CLEC1B: variants seen among roughly 807,000 people sequenced by gnomAD.
The protein encoded by CLEC1B is C-type lectin domain family 1 member B, also known as C-type lectin-like receptor 2.
CLEC1B carries 26 observed loss-of-function variants against 26.7 expected under a neutral mutation model. That is an observed-to-expected ratio of 0.97 (90% CI 0.71 to 1.35). The LOEUF is 1.35. Ranked by LOEUF, CLEC1B falls within the 40% of genes most tolerant of loss-of-function variation. CLEC1B has a pLI of 0.00. For missense variants in CLEC1B, 293 were observed against 282.6 expected, an observed-to-expected ratio of 1.04 and a Z score of -0.26; for synonymous variants, 112 against 96.0, an observed-to-expected ratio of 1.17 and a Z score of -0.97.
chr12:9,998,135 A>T, intron 2 of CLEC1B, 147 bp downstream of exon 2: 1 of 650,470 alleles, frequency 1.5e-6, no homozygotes, highest in Non-Finnish European at 2.8e-6. Flanking sequence ...GTTCTCCTTT[A>T]TTGAGATTCT....
chr12:9,997,903 A>G (rs2137244050), intron 2 of CLEC1B, among the ~76,000 whole-genome samples: 1 of 152,302 alleles, frequency 6.6e-6, no homozygotes, highest in South Asian at 2.1e-4. Flanking sequence ...TAGAATGAGA[A>G]AAATTTCAGA....
intron 5 of CLEC1B, among the ~76,000 whole-genome samples, chr12:9,994,164 G>A (rs1169077492): frequency 6.6e-6 from 1 of 152,096 alleles, no homozygotes; most frequent in Non-Finnish European, 1.5e-5. Context: ...TCTCAGTGGA[G>A]AGATGGTCAT....
chr12:9,993,314 C>T, intron 5 of CLEC1B, 27 bp from the exon 6 acceptor site: 1 of 1,586,566 alleles, frequency 6.3e-7, no homozygotes, highest in East Asian at 2.3e-5. Flanking sequence ...AGAATAAATT[C>T]CTTTGAAAAC....
intron 5 of CLEC1B, among the ~76,000 whole-genome samples, chr12:9,994,173 A>G (rs1864971095): frequency 6.6e-6 from 1 of 152,124 alleles, no homozygotes; most frequent in Non-Finnish European, 1.5e-5. Flanking sequence ...AGAGATGGTC[A>G]TGGAGTTGTG....
At chr12:9,996,676 A>T in intron 4 of CLEC1B, 170 bp downstream of exon 4, 1 of 734,342 alleles carries the variant, frequency 1.4e-6, no homozygotes, top group East Asian at 2.7e-5. Flanking sequence ...GAATATTATG[A>T]GTGGATTGAA....
chr12:9,999,536 G>C (rs866883055), upstream of CLEC1B, among the ~76,000 whole-genome samples: 1 of 152,212 alleles, frequency 6.6e-6, no homozygotes, highest in Admixed American at 6.5e-5. Context: ...CAGATATATA[G>C]TTTATCTCAT....
intron 4 of CLEC1B, 118 bp from the exon 5 acceptor site, chr12:9,995,364 T>C: frequency 1.2e-6 from 1 of 815,296 alleles, no homozygotes; most frequent in Non-Finnish European, 2.1e-6. Flanking sequence ...TCTATATTAG[T>C]ATTAATGGAT....
chr12:9,995,327 G>A (rs778728271), intron 4 of CLEC1B, 81 bp from the exon 5 acceptor site: 32 of 1,181,060 alleles, frequency 2.7e-5, no homozygotes, highest in Non-Finnish European at 3.6e-5. Flanking sequence ...ATGATAAGAC[G>A]TTGGACAAAA....
In CLEC1B at chr12:9,997,193, C is replaced by G. The variant is rs199498047; in HGVS notation, c.250G>C (p.Val84Leu). Reference sequence around the variant, plus strand: ...CCCTTTAGTTCTGATTGTTTTACCACATATTGACAGAAGCGCTTTGCTAAT... The same window carrying G: ...CCCTTTAGTTCTGATTGTTTTACCAGATATTGACAGAAGCGCTTTGCTAAT... Reference protein sequence around the residue: ...QQLAKRFCQYVVKQSELKGTF... With the variant: ...QQLAKRFCQYLVKQSELKGTF... The change falls in exon 3 of 6, where the codon GTG becomes CTG. Residue 84 changes from valine (V) to leucine (L), a missense_variant. Transcript: ENST00000298527. 1.4e-4 allele frequency: 221 copies of G among 1,613,838 alleles called. No homozygotes were observed. Among genetic ancestry groups the G allele is most frequent in the Non-Finnish European group, 1.8e-4 (210 of 1,179,938 alleles).
At chr12:9,995,487 T>A (rs1865020402) in intron 4 of CLEC1B, 2 of 437,506 alleles carry the variant, frequency 4.6e-6, no homozygotes, top group South Asian at 4.1e-5. Context: ...TCTTCTTTTG[T>A]GTTTATAACA....
At position 9,998,354 on chromosome 12, in the gene CLEC1B, G is replaced by A. The variant is rs754369087; in HGVS notation, c.91C>T (p.Arg31Cys). 136 of 1,613,722 alleles carry A rather than the reference G, an allele frequency of 8.4e-5. No homozygotes were observed. The highest frequency in any genetic ancestry group is 1.3e-4 in the East Asian group (6 of 44,880). ...ATCAGCAGAATCAAAGCCATCACAC[G>A]CCACCAGGAGGAGGATGCAGAGCCA... Reference protein sequence around the residue: ...SVGSASSSWWRVMALILLILC... With the variant: ...SVGSASSSWWCVMALILLILC... Residue 31 changes from arginine to cysteine, a missense_variant, in exon 2 of 6, where the codon CGT (arginine) becomes TGT (cysteine). Arg to Cys is a radical substitution (Grantham distance 180). Transcript: ENST00000298527.
chr12:9,993,396 G>GAA (rs1210022004), intron 5 of CLEC1B, 109 bp from the exon 6 acceptor site: 24 of 313,074 alleles, frequency 7.7e-5, no homozygotes, highest in Non-Finnish European at 1.0e-4. Flanking sequence ...AGGAAAATAG[G>GAA]AAAAAAAAAC....
At chr12:9,998,249 T>G (rs767930448) in intron 2 of CLEC1B, 33 bp downstream of exon 2, 1 of 1,545,888 alleles carries the variant, frequency 6.5e-7, no homozygotes. Flanking sequence ...ATTACCTTCC[T>G]CCAGTCAAAT....
At chr12:9,999,137 T>A, upstream of CLEC1B, 1 of 1,445,860 alleles carries the variant, frequency 6.9e-7, no homozygotes, top group Non-Finnish European at 9.5e-7. Flanking sequence ...CAGAGTTCAA[T>A]GACTTTGCAA....
upstream of CLEC1B, among the ~76,000 whole-genome samples, chr12:10,000,290 A>AT (rs771040355): frequency 6.6e-6 from 1 of 152,244 alleles, no homozygotes; most frequent in South Asian, 2.1e-4. Flanking sequence ...TAGCCCGTAG[A>AT]TTTTTTCTCC....
intron 5 of CLEC1B, 149 bp from the exon 6 acceptor site, chr12:9,993,436 A>C: frequency 1.4e-6 from 1 of 698,390 alleles, no homozygotes; most frequent in East Asian, 2.7e-5. Flanking sequence ...ATTGTTGAGA[A>C]AGTTCCACCC....
chr12:9,995,054 A>G lies in CLEC1B; in HGVS notation c.545+86T>C, dbSNP rs749306807. On this transcript the variant is annotated intron_variant, in intron 5 of 5. Coordinates refer to ENST00000298527, the MANE Select transcript of CLEC1B (RefSeq NM_016509.4). ...CCCAGCTGCTGCTTCTATAACCCAT[A>G]GTAGTGACTTGGACTGAGAGAAGAG... 4 of 1,592,762 alleles carry G rather than the reference A, an allele frequency of 2.5e-6. No individual in the cohort carries two copies. The Admixed American group carries it at 5.0e-5, about 20-fold the overall frequency.
intron 2 of CLEC1B, among the ~76,000 whole-genome samples, chr12:9,997,975 T>C (rs377375367): frequency 1.3e-5 from 2 of 150,282 alleles, no homozygotes; most frequent in African/African-American, 4.9e-5. Context: ...TTCTTAGGAA[T>C]GCAAGATAGG....
At chr12:9,996,711 A>T in intron 4 of CLEC1B, 135 bp downstream of exon 4, 1 of 853,710 alleles carries the variant, frequency 1.2e-6, no homozygotes. Flanking sequence ...AATTCTTACT[A>T]GGTTTCACAA....
Sources: gnomAD v4.1 joint callset for allele counts (sites outside exome capture counted in the v4.1 genomes callset) on GRCh38, gnomAD v4.1.1 for gene constraint, MANE v1.5 for transcripts, NCBI Gene and HGNC (gene_info 2026-07-23, HGNC 2026-07-21) for gene names.